Variants in SPTBN4 observed in about 807,000 individuals in gnomAD.
SPTBN4 encodes the protein spectrin beta, non-erythrocytic 4, also known as spectrin beta chain, non-erythrocytic 4.
In SPTBN4, 96 loss-of-function variants were observed where a neutral mutation model predicts 277.8. That is an observed-to-expected ratio of 0.35 (90% CI 0.29 to 0.41). The LOEUF (loss-of-function observed/expected upper bound fraction) is 0.41, where lower values mean the gene tolerates loss of function less well. Ranked by LOEUF, SPTBN4 falls within the 10% of genes least tolerant of loss-of-function variation. The pLI is 1.00. For missense variants in SPTBN4, 3,006 were observed against 3,595.7 expected (o/e 0.84, Z 4.19); for synonymous variants, 1,481 against 1,580.3 (o/e 0.94, Z 1.49).
chr19:40,491,937 G>A (rs537142647), intron 4 of SPTBN4, among the ~76,000 whole-genome samples: 4 of 151,656 alleles, frequency 2.6e-5, no homozygotes, highest in African/African-American at 9.7e-5. Flanking sequence ...CAGGAGAATC[G>A]CTTGAACCTG....
chr19:40,522,371 G>T lies in SPTBN4; in HGVS notation c.3655-1066G>T, dbSNP rs1336000059. 2.4e-5 allele frequency among the ~76,000 whole-genome samples: 3 copies of T among 125,328 alleles called. No homozygotes were observed. The East Asian group carries it at 6.8e-4, about 28-fold the overall frequency. The allele number at this position is 125,328 out of a possible 152,430, so 82.2% of individuals were successfully genotyped here. ...CAATTTTTTTTTTTTTTTTTTTTGA[G>T]ATGGGGTCTTGCTCTGTCACCCAGG... On this transcript the variant is annotated intron_variant, in intron 16 of 35. Coordinates refer to ENST00000598249, the MANE Select transcript of SPTBN4 (RefSeq NM_020971.3).
intron 6 of SPTBN4, among the ~76,000 whole-genome samples, chr19:40,495,979 A>C (rs559892848): frequency 6.6e-6 from 1 of 152,078 alleles, no homozygotes; most frequent in South Asian, 2.1e-4. Flanking sequence ...ACCCAGACCC[A>C]CCTCCATACA....
chr19:40,557,210 G>C lies in SPTBN4; in HGVS notation c.5477G>C (p.Arg1826Pro). 1 of 1,610,758 alleles carries C rather than the reference G, an allele frequency of 6.2e-7. No individual in the cohort carries two copies. The highest frequency in any genetic ancestry group is 8.5e-7 in the Non-Finnish European group (1 of 1,177,614). The change falls in exon 26 of 36, where the codon CGG (arginine) becomes CCG (proline). Residue 1826 changes from arginine to proline, a missense_variant. By Grantham distance (103) the Arg-to-Pro change is moderately radical (BLOSUM62 -2). Transcript: ENST00000598249. Reference protein sequence around the residue: ...WAELLELMGTRAQLLAASREL... With the variant: ...WAELLELMGTPAQLLAASREL... ...GAGCTGCTGGAGCTCATGGGCACAC[G>C]GGCCCAGCTGCTGGCCGCCTCTCGG...
chr19:40,569,645 C>T lies in SPTBN4; in HGVS notation c.6957-12C>T, dbSNP rs750404138. ...CTGGTTTCACTGGGTCTTTCTGTCC[C>T]CCATCCCCCAGGAAGGCCACCCTGG... is the stretch of plus-strand genomic sequence containing the variant. On this transcript the variant is annotated splice_polypyrimidine_tract_variant and intron_variant, in intron 31 of 35. Transcript: ENST00000598249. 7 of 1,612,258 alleles carry T rather than the reference C, an allele frequency of 4.3e-6. No homozygotes were observed. The Admixed American group carries it at 1.2e-4, about 27-fold the overall frequency.
chr19:40,556,960 G>A, intron 25 of SPTBN4, 63 bp from the exon 26 acceptor site: 2 of 1,491,252 alleles, frequency 1.3e-6, no homozygotes, highest in Non-Finnish European at 1.8e-6. Context: ...GGCTGGAGGG[G>A]GCTGGTGTAT....
chr19:40,503,693 C>A, intron 11 of SPTBN4, 137 bp from the exon 12 acceptor site: 1 of 946,760 alleles, frequency 1.1e-6, no homozygotes, highest in Non-Finnish European at 1.5e-6. Context: ...GAGGATGAGG[C>A]TGGTCTCCAG....
rs1749508225 is a variant in SPTBN4, at chr19:40,554,248, G to T, written c.4776G>T (p.Val1592=). 1.3e-6 allele frequency: 2 copies of T among 1,527,510 alleles called. No homozygotes were observed. The highest frequency in any genetic ancestry group is 2.0e-5 in the Admixed American group (1 of 50,516). 94.6% of individuals were successfully genotyped at this position (1,527,510 alleles called of 1,614,324 possible). The change falls in exon 23 of 36, where the codon GTG becomes GTT. Residue 1592 remains valine (V), a synonymous_variant. Coordinates refer to ENST00000598249, the MANE Select transcript of SPTBN4 (RefSeq NM_020971.3). This position sits in a 1 kb window ranked among gnomAD's most constrained non-coding sequence, Gnocchi z 5.7. ...TGCGCAGCCCGGAGGCAGAGGCAGT[G>T]CGCCGGGGCCTGGAGCAGCTGCAGA... ...ASLRSPEAEA[V]RRGLEQLQSA... is the part of the protein sequence containing the mutation.
At chr19:40,555,795 C>T (rs544136738) in intron 24 of SPTBN4, among the ~76,000 whole-genome samples, 2 of 151,760 alleles carry the variant, frequency 1.3e-5, no homozygotes, top group East Asian at 3.9e-4. Flanking sequence ...GAGTCACGTG[C>T]CTGTGGTCCC....
At chr19:40,489,216 C>CA (rs541919529) in intron 3 of SPTBN4, among the ~76,000 whole-genome samples, 2,624 of 54,656 alleles carry the variant, frequency 0.048, 40 homozygotes, top group African/African-American at 0.09. Context: ...CAACAAAAGC[C>CA]AAAAAAAAAA....
chr19:40,568,921 GC>G (rs1185809475), intron 31 of SPTBN4, among the ~76,000 whole-genome samples: 1 of 152,122 alleles, frequency 6.6e-6, no homozygotes, highest in African/African-American at 2.4e-5. Flanking sequence ...TTTGCTGAGT[GC>G]CCACTCTGCC....
intron 13 of SPTBN4, among the ~76,000 whole-genome samples, chr19:40,509,814 G>A (rs536500756): frequency 7.2e-5 from 11 of 152,272 alleles, no homozygotes; most frequent in South Asian, 6.2e-4. Flanking sequence ...CACCCTAGCC[G>A]ACCTGGGTCA....
At chr19:40,521,880 C>A (rs936527299) in intron 16 of SPTBN4, among the ~76,000 whole-genome samples, 1 of 151,734 alleles carries the variant, frequency 6.6e-6, no homozygotes, top group Non-Finnish European at 1.5e-5. Context: ...AGCTCCTGGG[C>A]TCAAACAGTC....
Position 40,502,320 on chromosome 19 carries a change from G to C in SPTBN4, c.1085+5G>C. 6.2e-7 allele frequency: 1 copy of C among 1,612,530 alleles called. No individual in the cohort carries two copies. The highest frequency in any genetic ancestry group is 2.2e-5 in the East Asian group (1 of 44,856). ...CACGCTGGAGAAGCCTGTCAAGTGA[G>C]GCCCAGCTCTGGAGGGAGGGTGGGC... On this transcript the variant is annotated splice_donor_5th_base_variant and intron_variant, in intron 9 of 35. Transcript: ENST00000598249. The surrounding 1 kb of genome is among the most constrained non-coding windows in gnomAD (Gnocchi z 4.9).
At position 40,568,015 on chromosome 19, in the gene SPTBN4, G is replaced by T; in HGVS notation, c.6689G>T (p.Arg2230Leu). Residue 2230 changes from arginine (R) to leucine (L), a missense_variant, in exon 31 of 36, where the codon CGA becomes CTA. This residue lies in a region of SPTBN4 where 630 missense variants were observed against 677.6 expected (regional missense o/e 0.93). Transcript: ENST00000598249. Reference protein sequence around the residue: ...TPAAAEQVRPRPERQESADRA... With the variant: ...TPAAAEQVRPLPERQESADRA... ...GCGGCGGCGGAGCAGGTGCGGCCAC[G>T]ACCGGAGCGCCAGGAGTCAGCTGAT... The T allele has an allele frequency of 4.6e-6, 7 of 1,537,766 alleles. No homozygotes were observed. Among genetic ancestry groups the T allele is most frequent in the Non-Finnish European group, 5.2e-6 (6 of 1,143,482 alleles).
intron 26 of SPTBN4, among the ~76,000 whole-genome samples, chr19:40,559,711 G>T (rs926192017): frequency 6.6e-6 from 1 of 152,218 alleles, no homozygotes; most frequent in East Asian, 1.9e-4. Flanking sequence ...ACAGCAGAAT[G>T]AATGGAAATT....
At chr19:40,471,713 CG>C (rs1423512045) in intron 1 of SPTBN4, among the ~76,000 whole-genome samples, 3 of 152,092 alleles carry the variant, frequency 2.0e-5, no homozygotes, top group African/African-American at 7.2e-5. Flanking sequence ...GCTGGGACTA[CG>C]GGTGGCAACC....
chr19:40,573,084 G>A (rs950688496), intron 35 of SPTBN4, among the ~76,000 whole-genome samples: 2 of 152,216 alleles, frequency 1.3e-5, no homozygotes, highest in Non-Finnish European at 2.9e-5. Flanking sequence ...CAAGGCAGGA[G>A]ACTGCTTGAG....
In SPTBN4 at chr19:40,550,266, C is replaced by T. The variant is rs145109616; in HGVS notation, c.4613C>T (p.Ala1538Val). 1,141 of 1,613,242 alleles carry T rather than the reference C, an allele frequency of 7.1e-4. 6 individuals carry two copies. The highest frequency in any genetic ancestry group is 1.2e-3 in the South Asian group (107 of 91,078). ...LAWVQERLPL[A>V]MQTERGNGLQ... ...TGGGTTCAGGAGCGGCTGCCACTGG[C>T]CATGCAGACAGAGCGAGGCAACGGT... Residue 1538 changes from alanine (A) to valine (V), a missense_variant, in exon 22 of 36, where the codon GCC becomes GTC. Coordinates refer to ENST00000598249, the MANE Select transcript of SPTBN4 (RefSeq NM_020971.3).
intron 12 of SPTBN4, among the ~76,000 whole-genome samples, chr19:40,505,299 G>A (rs986574873): frequency 7.5e-5 from 11 of 146,972 alleles, no homozygotes; most frequent in South Asian, 4.3e-4. Context: ...TGGGAGGATC[G>A]CTTGAGCCCA....
Sources: allele counts gnomAD v4.1 joint callset (sites outside exome capture counted in the v4.1 genomes callset), GRCh38; gene constraint gnomAD v4.1.1; regional missense constraint gnomAD v4.1.1; non-coding constraint Gnocchi (gnomAD v3.1); transcripts MANE v1.5; gene names NCBI Gene and HGNC (gene_info 2026-07-23, HGNC 2026-07-21).